The following SYN3 variants were observed in gnomAD, a reference collection of about 807,000 sequenced individuals.
SYN3 encodes the protein synapsin III.
SYN3 carries 35 observed loss-of-function variants against 65.8 expected under a neutral mutation model. That is an observed-to-expected ratio of 0.53 (90% CI 0.41 to 0.70). The LOEUF (loss-of-function observed/expected upper bound fraction) is 0.70, where lower values mean the gene tolerates loss of function less well. Ranked by LOEUF, SYN3 falls within the 30% of genes least tolerant of loss-of-function variation. The pLI is 0.00. For missense variants in SYN3, 680 were observed against 749.0 expected, an observed-to-expected ratio of 0.91 and a Z score of 1.08; for synonymous variants, 270 against 292.9, an observed-to-expected ratio of 0.92 and a Z score of 0.80.
chr22:32,738,800 C>T (rs2061365520), intron 6 of SYN3, among the ~76,000 whole-genome samples: 1 of 152,190 alleles, frequency 6.6e-6, no homozygotes, highest in African/African-American at 2.4e-5. Flanking sequence ...GTAGCTGAAA[C>T]ACAAAGTGTG....
chr22:32,936,465 A>G (rs930018508), intron 3 of SYN3, among the ~76,000 whole-genome samples: 11 of 152,066 alleles, frequency 7.2e-5, no homozygotes, highest in African/African-American at 2.7e-4. Flanking sequence ...GAGTATAGGA[A>G]AAGATGAATC....
chr22:32,734,296 C>A (rs1379059536), intron 6 of SYN3, among the ~76,000 whole-genome samples: 1 of 152,240 alleles, frequency 6.6e-6, no homozygotes, highest in East Asian at 1.9e-4. Context: ...ATGGGGCCAA[C>A]AACCTTATCC....
chr22:32,861,585 G>C (rs2048539670), intron 6 of SYN3: 1 of 152,628 alleles, frequency 6.6e-6, no homozygotes, highest in Non-Finnish European at 1.5e-5. Flanking sequence ...GGTGTGGTCA[G>C]CCTCTCTCAC....
chr22:32,614,971 C>CAA (rs10719539), intron 6 of SYN3, among the ~76,000 whole-genome samples: 36,469 of 146,820 alleles, frequency 0.25, 5,019 homozygotes, highest in South Asian at 0.32. Context: ...ACAAATGTTC[C>CAA]AAAAAAAAAA....
chr22:33,029,398 G>T (rs1429112636), intron 1 of SYN3, among the ~76,000 whole-genome samples: 1 of 151,984 alleles, frequency 6.6e-6, no homozygotes, highest in Non-Finnish European at 1.5e-5. Flanking sequence ...GCCCAGGCTG[G>T]TCTGGAACTC....
intron 3 of SYN3, among the ~76,000 whole-genome samples, chr22:32,965,543 C>CGTGTGTGTGT (rs10602672): frequency 7.2e-4 from 106 of 147,354 alleles, no homozygotes; most frequent in Middle Eastern, 3.4e-3. Flanking sequence ...ATGGTGCGTA[C>CGTGTGTGTGT]GTGTGTGTGT....
intron 6 of SYN3, among the ~76,000 whole-genome samples, chr22:32,695,911 G>A (rs1292513988): frequency 2.0e-5 from 3 of 151,884 alleles, no homozygotes; most frequent in African/African-American, 7.3e-5. Context: ...AGAAAATCTG[G>A]TAACATATAG....
In SYN3 at chr22:32,521,575, T is replaced by C. The variant is rs866257046; in HGVS notation, c.1319-3241A>G. On this transcript the variant is annotated intron_variant, in intron 12 of 13. Transcript: ENST00000358763. ...GATTCTCCTGCCTCAGCCTCTCAAA[T>C]AGCTGGGATTACAGGCGTCCGCCAC... is the stretch of plus-strand genomic sequence containing the variant. Among the ~76,000 whole-genome samples, 25 of 150,600 alleles carry C rather than the reference T, an allele frequency of 1.7e-4. No homozygotes were observed. In the Middle Eastern group the frequency reaches 0.014, roughly 83 times the overall value.
At chr22:32,994,146 C>G (rs1229170537) in intron 2 of SYN3, among the ~76,000 whole-genome samples, 1 of 152,094 alleles carries the variant, frequency 6.6e-6, no homozygotes, top group Non-Finnish European at 1.5e-5. Flanking sequence ...TCAAAGGGCT[C>G]GGGGCTTGGG....
At chr22:32,569,358 TATCC>T (rs1277011756) in intron 7 of SYN3, among the ~76,000 whole-genome samples, 1 of 151,646 alleles carries the variant, frequency 6.6e-6, no homozygotes, top group Non-Finnish European at 1.5e-5. Flanking sequence ...TATATCTATC[TATCC>T]ATCTATACCT....
chr22:32,841,900 A>G (rs1413769936), intron 6 of SYN3, among the ~76,000 whole-genome samples: 1 of 152,154 alleles, frequency 6.6e-6, no homozygotes, highest in African/African-American at 2.4e-5. Context: ...GGCGGTGGCA[A>G]AAGCGTGGGA....
intron 6 of SYN3, among the ~76,000 whole-genome samples, chr22:32,746,369 A>G (rs2044933322): frequency 6.6e-6 from 1 of 152,252 alleles, no homozygotes; most frequent in Non-Finnish European, 1.5e-5. Context: ...TATTTTCAGT[A>G]GATCCAGCTG....
intron 6 of SYN3, among the ~76,000 whole-genome samples, chr22:32,633,598 C>A (rs2059775997): frequency 6.6e-6 from 1 of 152,144 alleles, no homozygotes; most frequent in Non-Finnish European, 1.5e-5. Context: ...ACCTCCGAGG[C>A]AGAGGGAGCA....
At chr22:33,037,778 T>C (rs764078439) in intron 1 of SYN3, among the ~76,000 whole-genome samples, 4 of 152,156 alleles carry the variant, frequency 2.6e-5, no homozygotes, top group Non-Finnish European at 5.9e-5. Context: ...TCCCACAGTG[T>C]CTGAGCTCCT....
At chr22:32,710,093 AC>A (rs2060936971) in intron 6 of SYN3, among the ~76,000 whole-genome samples, 1 of 96,524 alleles carries the variant, frequency 1.0e-5, no homozygotes, top group Non-Finnish European at 1.9e-5. Context: ...ACACACACAC[AC>A]ACACATGTGT....
chr22:32,531,277 C>G (rs965237522), intron 10 of SYN3, among the ~76,000 whole-genome samples: 1 of 151,408 alleles, frequency 6.6e-6, no homozygotes, highest in Non-Finnish European at 1.5e-5. Flanking sequence ...GGGACAGTCT[C>G]TCAGTCACCA....
chr22:32,972,542 A>C (rs922305929), intron 3 of SYN3, among the ~76,000 whole-genome samples: 1 of 152,204 alleles, frequency 6.6e-6, no homozygotes, highest in East Asian at 1.9e-4. Context: ...CTTTTGCCAC[A>C]TAATTTCAGC....
chr22:32,563,033 A>C (rs778717769), intron 7 of SYN3, among the ~76,000 whole-genome samples: 1 of 152,260 alleles, frequency 6.6e-6, no homozygotes, highest in African/African-American at 2.4e-5. Context: ...AGGGTATAAA[A>C]GTAAATCAAG....
intron 3 of SYN3, among the ~76,000 whole-genome samples, chr22:32,954,843 T>TG (rs1217035110): frequency 7.4e-6 from 1 of 135,600 alleles, no homozygotes; most frequent in African/African-American, 3.1e-5. Context: ...TCTGTAAATG[T>TG]TTTTTTTTTT....
Sources: gnomAD v4.1 joint callset for allele counts (sites outside exome capture counted in the v4.1 genomes callset) on GRCh38, gnomAD v4.1.1 for gene constraint, MANE v1.5 for transcripts, NCBI Gene and HGNC (gene_info 2026-07-23, HGNC 2026-07-21) for gene names.